Variants in PIGK observed in about 807,000 individuals in gnomAD.
PIGK encodes the protein GPI-anchor transamidase.
A neutral mutation model predicts 50.6 loss-of-function variants in PIGK; 42 were observed. That is an observed-to-expected ratio of 0.83 (90% CI 0.65 to 1.07). The LOEUF (loss-of-function observed/expected upper bound fraction) is 1.07, where lower values mean the gene tolerates loss of function less well. Among genes scored for constraint, PIGK ranks in the 50% least tolerant of loss-of-function variants. The pLI is 0.00. For synonymous variants in PIGK, 151 were observed against 156.0 expected (o/e 0.97, Z 0.24); for missense variants, 448 against 488.7 (o/e 0.92, Z 0.78).
intron 3 of PIGK, among the ~76,000 whole-genome samples, chr1:77,187,456 A>G (rs1655776314): frequency 6.6e-6 from 1 of 152,170 alleles, no homozygotes; most frequent in African/African-American, 2.4e-5. Context: ...CACTGACACC[A>G]GGAGACACAA....
chr1:77,129,297 C>T (rs1286344861), intron 9 of PIGK: 6 of 1,604,218 alleles, frequency 3.7e-6, no homozygotes, highest in African/African-American at 2.7e-5. Flanking sequence ...ACCATTCCGA[C>T]GTTACAATGG....
chr1:77,110,524 T>C (rs1253071450), intron 10 of PIGK, among the ~76,000 whole-genome samples: 7 of 152,292 alleles, frequency 4.6e-5, no homozygotes, highest in Middle Eastern at 3.4e-3. Context: ...ATTCCCTATT[T>C]AATAAATGGT....
chr1:77,155,631 TA>T (rs1219059699), intron 8 of PIGK, among the ~76,000 whole-genome samples: 1 of 152,014 alleles, frequency 6.6e-6, no homozygotes, highest in Non-Finnish European at 1.5e-5. Context: ...AACGAGGACT[TA>T]CTGGTGGGAA....
intron 10 of PIGK, among the ~76,000 whole-genome samples, chr1:77,111,297 C>T (rs1365298209): frequency 6.6e-6 from 1 of 152,108 alleles, no homozygotes; most frequent in African/African-American, 2.4e-5. Flanking sequence ...GCTATAAAGA[C>T]ACATGCACAC....
chr1:77,218,692 G>A (rs1656644164), intron 1 of PIGK, among the ~76,000 whole-genome samples: 1 of 152,142 alleles, frequency 6.6e-6, no homozygotes, highest in Admixed American at 6.5e-5. Context: ...TGTAGACCGG[G>A]ACTGAGGAAT....
chr1:77,120,284 A>C (rs1267214972), intron 10 of PIGK, among the ~76,000 whole-genome samples: 1 of 152,166 alleles, frequency 6.6e-6, no homozygotes, highest in Non-Finnish European at 1.5e-5. Context: ...CCACAATCTC[A>C]GCTCACTGTA....
intron 10 of PIGK, among the ~76,000 whole-genome samples, chr1:77,103,223 C>T (rs1242910592): frequency 6.6e-6 from 1 of 152,034 alleles, no homozygotes. Flanking sequence ...AATAAAATTA[C>T]TATTTTTACT....
At chr1:77,180,978 CA>C (rs1655599179) in intron 3 of PIGK, among the ~76,000 whole-genome samples, 1 of 151,978 alleles carries the variant, frequency 6.6e-6, no homozygotes, top group Admixed American at 6.6e-5. Flanking sequence ...TAGATAAAAA[CA>C]AAGAAAACTG....
intron 3 of PIGK, among the ~76,000 whole-genome samples, chr1:77,205,888 T>G (rs530206628): frequency 6.6e-6 from 1 of 152,192 alleles, no homozygotes; most frequent in African/African-American, 2.4e-5. Context: ...AATTCCCACT[T>G]TACGAGTCTT....
chr1:77,160,020 T>G (rs1213855064), intron 8 of PIGK, among the ~76,000 whole-genome samples: 3 of 152,224 alleles, frequency 2.0e-5, no homozygotes, highest in Non-Finnish European at 4.4e-5. Context: ...AATCTCATCT[T>G]GAATTGTAGC....
chr1:77,118,297 G>A (rs1654022971), intron 10 of PIGK, among the ~76,000 whole-genome samples: 1 of 150,712 alleles, frequency 6.6e-6, no homozygotes, highest in Admixed American at 6.6e-5. Context: ...GAGTACAGTG[G>A]CGTGATCGCA....
intron 10 of PIGK, among the ~76,000 whole-genome samples, chr1:77,119,794 G>A (rs769386968): frequency 6.6e-6 from 1 of 152,182 alleles, no homozygotes; most frequent in Non-Finnish European, 1.5e-5. Context: ...TGTGCTACTA[G>A]TGAGAGTCCT....
intron 10 of PIGK, among the ~76,000 whole-genome samples, chr1:77,101,998 A>G (rs1305193958): frequency 6.6e-6 from 1 of 152,190 alleles, no homozygotes; most frequent in Non-Finnish European, 1.5e-5. Context: ...GTGAGAATCC[A>G]TCTCACACAC....
intron 3 of PIGK, among the ~76,000 whole-genome samples, chr1:77,183,036 G>T (rs1182202607): frequency 6.6e-6 from 1 of 152,166 alleles, no homozygotes; most frequent in African/African-American, 2.4e-5. Flanking sequence ...CCCTGACTGA[G>T]AGTCTTATCT....
intron 9 of PIGK, among the ~76,000 whole-genome samples, chr1:77,138,978 G>A (rs1359672481): frequency 3.3e-5 from 5 of 152,048 alleles, no homozygotes; most frequent in East Asian, 1.9e-4. Context: ...CAAGAGAAAC[G>A]TCCTCATTTT....
chr1:77,164,268 T>C (rs144903795), intron 5 of PIGK, among the ~76,000 whole-genome samples: 1 of 152,160 alleles, frequency 6.6e-6, no homozygotes, highest in African/African-American at 2.4e-5. Context: ...CAGGCAAACA[T>C]TTTTGATGAG....
At chr1:77,145,157 A>G (rs1316499573) in intron 9 of PIGK, among the ~76,000 whole-genome samples, 1 of 152,090 alleles carries the variant, frequency 6.6e-6, no homozygotes, top group East Asian at 1.9e-4. Context: ...CGAATCTCAA[A>G]GAGATGTTAC....
chr1:77,131,476 C>A (rs1654369874), intron 9 of PIGK, among the ~76,000 whole-genome samples: 2 of 151,948 alleles, frequency 1.3e-5, no homozygotes, highest in African/African-American at 4.8e-5. Flanking sequence ...TATCTTGTCC[C>A]CGATTTTCAT....
intron 3 of PIGK, among the ~76,000 whole-genome samples, chr1:77,195,762 A>T (rs908008122): frequency 5.9e-5 from 9 of 152,054 alleles, no homozygotes; most frequent in Non-Finnish European, 1.3e-4. Context: ...ATGACCTTTC[A>T]TATATATACA....
Sources: gnomAD v4.1 joint callset for allele counts (sites outside exome capture counted in the v4.1 genomes callset) on GRCh38, gnomAD v4.1.1 for gene constraint, MANE v1.5 for transcripts, NCBI Gene and HGNC (gene_info 2026-07-23, HGNC 2026-07-21) for gene names.